ERBB4: variants seen among roughly 807,000 people sequenced by gnomAD.
ERBB4 encodes erb-b2 receptor tyrosine kinase 4.
A neutral mutation model predicts 158.0 loss-of-function variants in ERBB4; 42 were observed. That is an observed-to-expected ratio of 0.27 (90% CI 0.21 to 0.34). The LOEUF (loss-of-function observed/expected upper bound fraction) is 0.34. Ranked by LOEUF, ERBB4 falls within the 10% of genes least tolerant of loss-of-function variation. The pLI, the probability that ERBB4 is intolerant of heterozygous loss-of-function variation, is 1.00. For synonymous variants in ERBB4, 583 were observed against 558.7 expected (o/e 1.04, Z -0.61); for missense variants, 1,333 against 1,624.1 (o/e 0.82, Z 3.08).
At chr2:211,759,355 G>T (rs1277528376) in intron 4 of ERBB4, among the ~76,000 whole-genome samples, 2 of 152,112 alleles carry the variant, frequency 1.3e-5, no homozygotes, top group Non-Finnish European at 2.9e-5. Flanking sequence ...ATTAGCCAGA[G>T]CGATCTTTTT....
chr2:211,823,748 T>C (rs1055134218), intron 3 of ERBB4, among the ~76,000 whole-genome samples: 24 of 152,046 alleles, frequency 1.6e-4, no homozygotes, highest in African/African-American at 5.3e-4. Flanking sequence ...GGGGCTTCTA[T>C]AATCTGTGTA....
chr2:211,845,640 C>T (rs778970639), intron 3 of ERBB4, among the ~76,000 whole-genome samples: 29 of 152,080 alleles, frequency 1.9e-4, no homozygotes, highest in Non-Finnish European at 3.7e-4. Flanking sequence ...GAATGGGAAC[C>T]TCAATCTGAC....
rs180759214 is a variant in ERBB4 at position 212,445,226 on chromosome 2, G to A, written c.82+93223C>T. 4.7e-4 allele frequency among the ~76,000 whole-genome samples: 71 copies of A among 152,160 alleles called. 1 individual carries two copies. The South Asian group carries it at 8.9e-3, about 19-fold the overall frequency. ...CTGGGGCAATGTTCTCCAGAACGCC[G>A]TGTATGATCTGAATCAGCATCCAAT... On this transcript the variant is annotated intron_variant, in intron 1 of 27. Coordinates refer to ENST00000342788, the MANE Select transcript of ERBB4 (RefSeq NM_005235.3).
At chr2:212,067,622 G>A (rs2077983446) in intron 2 of ERBB4, among the ~76,000 whole-genome samples, 1 of 151,968 alleles carries the variant, frequency 6.6e-6, no homozygotes, top group African/African-American at 2.4e-5. Flanking sequence ...TACCAAAAAT[G>A]TCAGATGTCA....
At chr2:212,497,720 T>C (rs1690658407) in intron 1 of ERBB4, among the ~76,000 whole-genome samples, 1 of 152,108 alleles carries the variant, frequency 6.6e-6, no homozygotes, top group South Asian at 2.1e-4. Flanking sequence ...CTACAAGATC[T>C]GTGAAAGAAA....
intron 19 of ERBB4, among the ~76,000 whole-genome samples, chr2:211,577,054 TG>T (rs1207804903): frequency 6.6e-5 from 10 of 152,286 alleles, no homozygotes; most frequent in African/African-American, 2.2e-4. Flanking sequence ...AGATATATAA[TG>T]GGAACTATAA....
intron 16 of ERBB4, among the ~76,000 whole-genome samples, chr2:211,645,539 T>C (rs1486401042): frequency 6.6e-6 from 1 of 151,726 alleles, no homozygotes; most frequent in East Asian, 1.9e-4. Context: ...CAACAGACTT[T>C]GGAAAAGTTA....
chr2:211,560,262 C>CTT lies in ERBB4; in HGVS notation c.2487+1639_2487+1640dup, dbSNP rs769707072. Among the ~76,000 whole-genome samples the CTT allele has an allele frequency of 5.8e-3, 268 of 46,318 alleles. 76 individuals carry two copies. The highest frequency in any genetic ancestry group is 6.8e-3 in the Non-Finnish European group (167 of 24,394). 30.4% of individuals were successfully genotyped at this position (46,318 alleles called of 152,430 possible). A position where few individuals can be genotyped will look rare whatever the true frequency, so the allele number is the denominator to read the frequency against. On this transcript the variant is annotated intron_variant, in intron 20 of 27. Coordinates refer to ENST00000342788, the MANE Select transcript of ERBB4 (RefSeq NM_005235.3). ...CAGCACTAACAAATTTGAAGCTTAG[C>CTT]TTTTTTTTTTTTTTTTTTTTTTTTT...
In ERBB4 at chr2:211,653,954, A is replaced by G. The variant is rs564488263; in HGVS notation, c.1946+3800T>C. On this transcript the variant is annotated intron_variant, in intron 16 of 27. Transcript: ENST00000342788. The stretch of plus-strand genomic sequence containing the variant: ...CTCCCAAAGTGCTGGGATTACAGGT[A>G]TGAGCCACCGCGCCCTGCCCAAAAC... 7.7e-3 allele frequency among the ~76,000 whole-genome samples: 1,179 copies of G among 152,204 alleles called. 10 individuals carry two copies. Among genetic ancestry groups the G allele is most frequent in the African/African-American group, 0.025 (1,034 of 41,538 alleles).
At chr2:211,851,953 A>AT (rs2077731866) in intron 3 of ERBB4, among the ~76,000 whole-genome samples, 1 of 151,866 alleles carries the variant, frequency 6.6e-6, no homozygotes, top group Non-Finnish European at 1.5e-5. Context: ...CTTTACTGAT[A>AT]TTTTCTTCTA....
chr2:211,422,279 C>T (rs541541238), intron 23 of ERBB4, among the ~76,000 whole-genome samples, 175 bp from the exon 24 acceptor site: 1 of 151,980 alleles, frequency 6.6e-6, no homozygotes, highest in African/African-American at 2.4e-5. Context: ...TTATCGGTCT[C>T]TTTGTTGATA....
chr2:212,359,300 C>T (rs79677110), intron 1 of ERBB4, among the ~76,000 whole-genome samples: 4,241 of 151,312 alleles, frequency 0.028, 179 homozygotes, highest in African/African-American at 0.097. Context: ...ATATATATCT[C>T]CATCAATCTA....
intron 1 of ERBB4, among the ~76,000 whole-genome samples, chr2:212,195,091 T>A (rs1438050051): frequency 6.6e-6 from 1 of 152,050 alleles, no homozygotes; most frequent in Admixed American, 6.6e-5. Flanking sequence ...AGTTTTATAA[T>A]TTGTATATAG....
chr2:212,252,432 G>A (rs2084573139), intron 1 of ERBB4, among the ~76,000 whole-genome samples: 1 of 151,884 alleles, frequency 6.6e-6, no homozygotes, highest in Non-Finnish European at 1.5e-5. Flanking sequence ...ATAGATCAAC[G>A]AAGACTAAAA....
At chr2:211,918,677 T>C (rs2079770041) in intron 3 of ERBB4, among the ~76,000 whole-genome samples, 1 of 152,068 alleles carries the variant, frequency 6.6e-6, no homozygotes, top group South Asian at 2.1e-4. Flanking sequence ...ATTTGGCCAA[T>C]GCCATTTCTA....
chr2:211,778,685 C>G (rs1009205508), intron 4 of ERBB4: 2 of 152,182 alleles, frequency 1.3e-5, no homozygotes, highest in East Asian at 1.9e-4. Context: ...CATGCAGGAG[C>G]CTCTGTGAAC....
intron 1 of ERBB4, among the ~76,000 whole-genome samples, chr2:212,430,668 C>A (rs1050052105): frequency 6.6e-6 from 1 of 152,114 alleles, no homozygotes; most frequent in Non-Finnish European, 1.5e-5. Context: ...TCTCAAACTG[C>A]ATGCTGTTTT....
At chr2:212,378,299 C>A (rs2090393373) in intron 1 of ERBB4, among the ~76,000 whole-genome samples, 1 of 151,782 alleles carries the variant, frequency 6.6e-6, no homozygotes, top group African/African-American at 2.4e-5. Context: ...GCATATAGAA[C>A]TTCAAAAGTC....
At chr2:212,012,818 C>T (rs1049560773) in intron 2 of ERBB4, among the ~76,000 whole-genome samples, 4 of 152,012 alleles carry the variant, frequency 2.6e-5, no homozygotes, top group Non-Finnish European at 5.9e-5. Flanking sequence ...AATCATGGCT[C>T]ACAGAAGTCC....
Sources: gnomAD v4.1 joint callset for allele counts (sites outside exome capture counted in the v4.1 genomes callset) on GRCh38, gnomAD v4.1.1 for gene constraint, MANE v1.5 for transcripts, NCBI Gene and HGNC (gene_info 2026-07-23, HGNC 2026-07-21) for gene names.